Variants in MYO1E observed in about 807,000 individuals in gnomAD.
The protein encoded by MYO1E is myosin IE, also known as unconventional myosin-Ie.
MYO1E carries 68 observed loss-of-function variants against 151.1 expected under a neutral mutation model. That is an observed-to-expected ratio of 0.45 (90% CI 0.37 to 0.55). The LOEUF (loss-of-function observed/expected upper bound fraction) is 0.55. Among genes scored for constraint, MYO1E ranks in the 20% least tolerant of loss-of-function variants. The pLI is 0.00. For missense variants in MYO1E, 1,363 were observed against 1,389.3 expected, an observed-to-expected ratio of 0.98 and a Z score of 0.30; for synonymous variants, 601 against 501.7, an observed-to-expected ratio of 1.20 and a Z score of -2.64.
chr15:59,330,237 C>T (rs2080690019), intron 1 of MYO1E, among the ~76,000 whole-genome samples: 4 of 151,998 alleles, frequency 2.6e-5, no homozygotes, highest in Admixed American at 2.0e-4. Context: ...AATCAAAGTG[C>T]TGTAATTGAA....
chr15:59,236,404 AC>A, intron 5 of MYO1E, among the ~76,000 whole-genome samples, 180 bp downstream of exon 5: 1 of 151,196 alleles, frequency 6.6e-6, no homozygotes, highest in Non-Finnish European at 1.5e-5. Context: ...ACACACACAC[AC>A]ACACACACAC....
At chr15:59,236,523 CA>C (rs1566988430) in intron 5 of MYO1E, 61 bp downstream of exon 5, 5 of 1,415,302 alleles carry the variant, frequency 3.5e-6, no homozygotes, top group Non-Finnish European at 4.0e-6. Context: ...TTTCTAACAG[CA>C]AATGGAGCCT....
rs1337871235 is a variant in MYO1E, at chr15:59,208,944, G to A, written c.1363-96C>T. The A allele has an allele frequency of 2.8e-6, 4 of 1,407,950 alleles. No homozygotes were observed. The African/African-American group carries it at 5.7e-5, about 20-fold the overall frequency. 87.2% of individuals were successfully genotyped at this position (1,407,950 alleles called of 1,614,324 possible). On this transcript the variant is annotated intron_variant, in intron 13 of 27. Transcript: ENST00000288235. The stretch of plus-strand genomic sequence containing the variant: ...TCTTAGGCAAGGAAACAGCTCCCCA[G>A]ACTTAAGATACCATCTTGAAAGTCA...
In MYO1E at chr15:59,136,024, C is replaced by T. The variant is rs1229809232; in HGVS notation, c.*1356G>A. ...AGTTCTGGAGGTTGGAAGTCCAAGA[C>T]CAAGGTGGGCAGGGCTGGTTCCTTG... is the stretch of plus-strand genomic sequence containing the variant. On this transcript the variant is annotated 3_prime_UTR_variant, in exon 28 of 28. Coordinates refer to ENST00000288235, the MANE Select transcript of MYO1E (RefSeq NM_004998.4). The T allele has an allele frequency of 1.3e-5, 2 of 152,234 alleles. No homozygotes were observed. Among genetic ancestry groups the T allele is most frequent in the African/African-American group, 4.8e-5 (2 of 41,432 alleles). The allele number at this position is 152,234 out of a possible 1,614,324, so 9.4% of individuals were successfully genotyped here.
At chr15:59,195,895 A>T (rs2079763595) in intron 16 of MYO1E, among the ~76,000 whole-genome samples, 2 of 152,234 alleles carry the variant, frequency 1.3e-5, no homozygotes, top group Non-Finnish European at 2.9e-5. Context: ...TGGTACAGTG[A>T]AGCATGTCAG....
chr15:59,343,689 C>CT (rs1419317967), intron 1 of MYO1E, among the ~76,000 whole-genome samples: 1 of 152,046 alleles, frequency 6.6e-6, no homozygotes, highest in Admixed American at 6.6e-5. Context: ...GGGCTTCATT[C>CT]TTTTTTATTC....
chr15:59,333,300 T>A (rs929079413), intron 1 of MYO1E, among the ~76,000 whole-genome samples: 1 of 152,050 alleles, frequency 6.6e-6, no homozygotes, highest in African/African-American at 2.4e-5. Context: ...AGTGCAGTGG[T>A]GCAATCTTGG....
chr15:59,210,510 T>G lies in MYO1E; in HGVS notation c.1362+4A>C, dbSNP rs2079872451. On this transcript the variant is annotated splice_donor_region_variant and intron_variant, in intron 13 of 27. Coordinates refer to ENST00000288235, the MANE Select transcript of MYO1E (RefSeq NM_004998.4). ...GTGAAAAGACATACTAAATGAACAC[T>G]TACCACTTTGTTCTCTATGAGGTCA... 6.4e-7 allele frequency: 1 copy of G among 1,560,732 alleles called. No homozygotes were observed. The highest frequency in any genetic ancestry group is 1.1e-5 in the South Asian group (1 of 89,958).
At chr15:59,188,087 T>C in intron 18 of MYO1E, 31 bp downstream of exon 18, 1 of 1,520,322 alleles carries the variant, frequency 6.6e-7, no homozygotes, top group South Asian at 1.1e-5. Flanking sequence ...TAAACCTGTT[T>C]TAAAAAAGGC....
At chr15:59,252,783 G>A (rs1439480343) in intron 4 of MYO1E, among the ~76,000 whole-genome samples, 5 of 151,892 alleles carry the variant, frequency 3.3e-5, no homozygotes, top group African/African-American at 1.2e-4. Context: ...CCACTCAGGA[G>A]GCTGAGGCAG....
rs563597671 is a variant in MYO1E, at chr15:59,302,488, A to G, written c.4-30039T>C. On this transcript the variant is annotated intron_variant, in intron 1 of 27. Transcript: ENST00000288235. ...CCGCTTAGTCTCACTTTCCTCATCC[A>G]TGACAAGGGTGCCACAATCTAACTC... Among the ~76,000 whole-genome samples, 2 of 152,330 alleles carry G rather than the reference A, an allele frequency of 1.3e-5. 1 individual carries two copies. Among genetic ancestry groups the G allele is most frequent in the South Asian group, 4.1e-4 (2 of 4,830 alleles).
intron 18 of MYO1E, among the ~76,000 whole-genome samples, chr15:59,181,172 C>T (rs1323646066): frequency 6.6e-6 from 1 of 152,218 alleles, no homozygotes; most frequent in East Asian, 1.9e-4. Flanking sequence ...TTCTCTCTTG[C>T]CCGTGAAGTG....
intron 4 of MYO1E, among the ~76,000 whole-genome samples, chr15:59,240,380 G>A (rs924141635): frequency 6.6e-6 from 1 of 151,754 alleles, no homozygotes; most frequent in Non-Finnish European, 1.5e-5. Flanking sequence ...GTGTGTGTCT[G>A]TGTGTGGGGG....
In MYO1E at chr15:59,170,148, G is replaced by A. The variant is rs546327359; in HGVS notation, c.2480+1749C>T. ...TGCACTCCAGCCTGGGTGACAGAGC[G>A]AGACTCTGTCTAAAACAAAACAAAA... is the stretch of plus-strand genomic sequence containing the variant. On this transcript the variant is annotated intron_variant, in intron 22 of 27. Coordinates refer to ENST00000288235, the MANE Select transcript of MYO1E (RefSeq NM_004998.4). Among the ~76,000 whole-genome samples, 6 of 151,634 alleles carry A rather than the reference G, an allele frequency of 4.0e-5. No homozygotes were observed. In the East Asian group the frequency reaches 9.6e-4, roughly 24 times the overall value.
intron 1 of MYO1E, among the ~76,000 whole-genome samples, chr15:59,318,535 C>G (rs1479736055): frequency 6.6e-6 from 1 of 151,840 alleles, no homozygotes; most frequent in African/African-American, 2.4e-5. Context: ...GAGATTAAAA[C>G]CAAAAAACAA....
Position 59,188,189 on chromosome 15 carries a change from A to T in MYO1E, c.1833T>A (p.Gly611=). Residue 611 remains glycine, a synonymous_variant, in exon 18 of 28, where the codon GGT becomes GGA. Transcript: ENST00000288235. ...TTCTCACTCGAATGTTCTCTTTCAG[A>T]CCCAAATATTCGACTTGATGCTTTA... is the stretch of plus-strand genomic sequence containing the variant. ...SRVKHQVEYL[G]LKENIRVRRA... 6.2e-7 allele frequency: 1 copy of T among 1,614,116 alleles called. No homozygotes were observed.
chr15:59,227,329 T>C lies in MYO1E; in HGVS notation c.642+130A>G, dbSNP rs1281080585. 6.3e-6 allele frequency: 7 copies of C among 1,113,546 alleles called. No individual in the cohort carries two copies. The African/African-American group carries it at 9.3e-5, about 15-fold the overall frequency. 69.0% of individuals were successfully genotyped at this position (1,113,546 alleles called of 1,614,324 possible). ...CAGGACATTCTCACAATTCTGCACA[T>C]TGACTTGTACATGGTATCATCATCA... is the stretch of plus-strand genomic sequence containing the variant. On this transcript the variant is annotated intron_variant, in intron 7 of 27. Coordinates refer to ENST00000288235, the MANE Select transcript of MYO1E (RefSeq NM_004998.4).
At chr15:59,208,017 T>C in intron 14 of MYO1E, 1 of 1,605,726 alleles carries the variant, frequency 6.2e-7, no homozygotes, top group Admixed American at 1.7e-5. Context: ...AGCTGACCCC[T>C]GAAGAAGAGG....
At chr15:59,163,034 G>C in intron 23 of MYO1E, 123 bp downstream of exon 23, 1 of 1,129,142 alleles carries the variant, frequency 8.9e-7, no homozygotes, top group Non-Finnish European at 1.3e-6. Context: ...GGTTCCACTG[G>C]GGCCAGCCAG....
Sources: gnomAD v4.1 joint callset for allele counts (sites outside exome capture counted in the v4.1 genomes callset) on GRCh38, gnomAD v4.1.1 for gene constraint, MANE v1.5 for transcripts, NCBI Gene and HGNC (gene_info 2026-07-23, HGNC 2026-07-21) for gene names.